NUDCD2: variants seen among roughly 807,000 people sequenced by gnomAD.
The protein encoded by NUDCD2 is nudC domain-containing protein 2.
In NUDCD2, 16 loss-of-function variants were observed where a neutral mutation model predicts 20.8. The observed-to-expected ratio is 0.77, with a 90% CI of 0.52 to 1.17. The LOEUF (loss-of-function observed/expected upper bound fraction) is 1.17. Among genes scored for constraint, NUDCD2 ranks in the 50% most tolerant of loss-of-function variants. The probability of loss-of-function intolerance (pLI) is 0.00; values close to 1 mark genes in which losing one functional copy is unlikely to be tolerated. For missense variants in NUDCD2, 199 were observed against 193.9 expected, an observed-to-expected ratio of 1.03 and a Z score of -0.16; for synonymous variants, 87 against 72.8, an observed-to-expected ratio of 1.20 and a Z score of -1.00.
Position 163,457,049 on chromosome 5 carries a change from T to C in NUDCD2, c.270A>G (p.Thr90=), listed in dbSNP as rs370580721. 4.3e-6 allele frequency: 7 copies of C among 1,612,528 alleles called. No homozygotes were observed. In the East Asian group the frequency reaches 1.3e-4, roughly 31 times the overall value. ...AATTTGCTGCATCTCTCTTTGTCTT[T>C]GTAAGAACAATACGAACCATTTTTC... is the stretch of plus-strand genomic sequence containing the variant. ...EDRKMVRIVL[T]KTKRDAANCW... Residue 90 remains threonine (T), a synonymous_variant, in exon 3 of 4, where the codon ACA becomes ACG. Coordinates refer to ENST00000302764, the MANE Select transcript of NUDCD2 (RefSeq NM_145266.6).
In NUDCD2 at chr5:163,449,947, A is replaced by C. The variant is rs1016392868; in HGVS notation, c.*4020T>G. ...ATCTAAATGTAGAACTAAATTTATAAAATTTTTAGAAGAAAAAAATCCATA... is the reference window on the plus strand; with the variant it reads ...ATCTAAATGTAGAACTAAATTTATACAATTTTTAGAAGAAAAAAATCCATA... On this transcript the variant is annotated 3_prime_UTR_variant, in exon 4 of 4. Transcript: ENST00000302764. The C allele has an allele frequency of 6.6e-6, 1 of 152,182 alleles. No individual in the cohort carries two copies. The highest frequency in any genetic ancestry group is 2.4e-5 in the African/African-American group (1 of 41,444). The allele number at this position is 152,182 out of a possible 1,614,324, so 9.4% of individuals were successfully genotyped here.
intron 1 of NUDCD2, among the ~76,000 whole-genome samples, chr5:163,458,090 C>T (rs1221413998): frequency 7.4e-6 from 1 of 134,500 alleles, no homozygotes; most frequent in Admixed American, 8.9e-5. Context: ...TCAAGCGATT[C>T]TCCTGCCTCA....
At position 163,457,280 on chromosome 5, in the gene NUDCD2, C is replaced by T. The variant is rs529953721; in HGVS notation, c.239-200G>A. ...CCGACTAGCTGGGAATACAGGCATG[C>T]GCCACCATGCCCGGCTAACTTTTGT... On this transcript the variant is annotated intron_variant, in intron 2 of 3. Coordinates refer to ENST00000302764, the MANE Select transcript of NUDCD2 (RefSeq NM_145266.6). Among the ~76,000 whole-genome samples, 11 of 152,106 alleles carry T rather than the reference C, an allele frequency of 7.2e-5. No homozygotes were observed. The South Asian group carries it at 1.9e-3, about 26-fold the overall frequency.
Position 163,450,101 on chromosome 5 carries a change from T to TA in NUDCD2, c.*3865dup, listed in dbSNP as rs1237686047. 4.3e-4 allele frequency: 64 copies of TA among 147,220 alleles called. No individual in the cohort carries two copies. Among genetic ancestry groups the TA allele is most frequent in the Admixed American group, 1.3e-3 (19 of 14,750 alleles). The allele number at this position is 147,220 out of a possible 1,614,324, so 9.1% of individuals were successfully genotyped here. A position where few individuals can be genotyped will look rare whatever the true frequency, so the allele number is the denominator to read the frequency against. On this transcript the variant is annotated 3_prime_UTR_variant, in exon 4 of 4. Transcript: ENST00000302764. Reference sequence around the variant, plus strand: ...TCCCAACTCTACTAAAAATAAAAAATAAAAAAAAAATGGGCTGGGAGTGGT... The same window carrying TA: ...TCCCAACTCTACTAAAAATAAAAAATAAAAAAAAAAATGGGCTGGGAGTGGT...
intron 3 of NUDCD2, among the ~76,000 whole-genome samples, chr5:163,455,740 A>G (rs1758290241): frequency 6.6e-6 from 1 of 151,806 alleles, no homozygotes; most frequent in African/African-American, 2.4e-5. Flanking sequence ...TCTCAGAAAA[A>G]AAAAAAAAAA....
chr5:163,457,281 G>A (rs1196552153), intron 2 of NUDCD2, among the ~76,000 whole-genome samples: 3 of 151,966 alleles, frequency 2.0e-5, no homozygotes, highest in Admixed American at 1.3e-4. Context: ...ACAGGCATGC[G>A]CCACCATGCC....
rs1758093779 is a variant in NUDCD2 at position 163,448,315 on chromosome 5, C to A, written c.*5652G>T. The A allele has an allele frequency of 6.6e-6, 1 of 151,420 alleles. No individual in the cohort carries two copies. The highest frequency in any genetic ancestry group is 1.5e-5 in the Non-Finnish European group (1 of 67,798). 9.4% of individuals were successfully genotyped at this position (151,420 alleles called of 1,614,324 possible). ...ATTGATAAACCTCTGGCAAAATTGA[C>A]AAAAAAAGAGAAGGAATTCCAATCT... On this transcript the variant is annotated 3_prime_UTR_variant, in exon 4 of 4. Coordinates refer to ENST00000302764, the MANE Select transcript of NUDCD2 (RefSeq NM_145266.6).
chr5:163,459,699 G>C, intron 1 of NUDCD2, 163 bp downstream of exon 1: 1 of 527,064 alleles, frequency 1.9e-6, no homozygotes, highest in Non-Finnish European at 3.3e-6. Context: ...CACCTGCCCT[G>C]AAGAGGCGGG....
In NUDCD2 at chr5:163,449,003, A is replaced by C. The variant is rs975778957; in HGVS notation, c.*4964T>G. The C allele has an allele frequency of 1.3e-5, 2 of 152,248 alleles. No homozygotes were observed. Among genetic ancestry groups the C allele is most frequent in the Non-Finnish European group, 2.9e-5 (2 of 68,044 alleles). 9.4% of individuals were successfully genotyped at this position (152,248 alleles called of 1,614,324 possible). On this transcript the variant is annotated 3_prime_UTR_variant, in exon 4 of 4. Coordinates refer to ENST00000302764, the MANE Select transcript of NUDCD2 (RefSeq NM_145266.6). ...CCTACAGCTTGCATACATAATGGTC[A>C]AAAACAATGCTTTCAAAATCCTAAG...
rs1668768209 is a variant in NUDCD2, at chr5:163,450,128, G to A, written c.*3839C>T. On this transcript the variant is annotated 3_prime_UTR_variant, in exon 4 of 4. Transcript: ENST00000302764. ...AAAAAAAAATGGGCTGGGAGTGGTG[G>A]TGCACACCTGTAGTCCCAGCTACTT... is the stretch of plus-strand genomic sequence containing the variant. 1 of 152,204 alleles carries A rather than the reference G, an allele frequency of 6.6e-6. No homozygotes were observed. The highest frequency in any genetic ancestry group is 2.4e-5 in the African/African-American group (1 of 41,408). The allele number at this position is 152,204 out of a possible 1,614,324, so 9.4% of individuals were successfully genotyped here. A position where few individuals can be genotyped will look rare whatever the true frequency, so the allele number is the denominator to read the frequency against.
At chr5:163,459,735 C>G (rs896954000) in intron 1 of NUDCD2, 127 bp downstream of exon 1, 5 of 761,094 alleles carry the variant, frequency 6.6e-6, no homozygotes, top group Admixed American at 3.0e-5. Context: ...CAAACCTGGT[C>G]AGTGTTATCC....
In NUDCD2 at chr5:163,447,321, T is replaced by G. The variant is rs897216577; in HGVS notation, c.*6646A>C. 1 of 151,916 alleles carries G rather than the reference T, an allele frequency of 6.6e-6. No homozygotes were observed. Among genetic ancestry groups the G allele is most frequent in the Admixed American group, 6.6e-5 (1 of 15,224 alleles). The allele number at this position is 151,916 out of a possible 1,614,324, so 9.4% of individuals were successfully genotyped here. On this transcript the variant is annotated 3_prime_UTR_variant, in exon 4 of 4. Coordinates refer to ENST00000302764, the MANE Select transcript of NUDCD2 (RefSeq NM_145266.6). ...CAAAAATTAGCTAGGCATAGTGATA[T>G]ACATCTGTAGTCCTAGGTACTGAGG...
rs1159915411 is a variant in NUDCD2, at chr5:163,452,212, ATAGATG to A, written c.*1749_*1754del. 1 of 152,234 alleles carries A rather than the reference ATAGATG, an allele frequency of 6.6e-6. No individual in the cohort carries two copies. Among genetic ancestry groups the A allele is most frequent in the Non-Finnish European group, 1.5e-5 (1 of 68,038 alleles). 9.4% of individuals were successfully genotyped at this position (152,234 alleles called of 1,614,324 possible). A position where few individuals can be genotyped will look rare whatever the true frequency, so the allele number is the denominator to read the frequency against. On this transcript the variant is annotated 3_prime_UTR_variant, in exon 4 of 4. Transcript: ENST00000302764. ...TTTCAATATACATAGATGCAGAAAT[ATAGATG>A]TAAAGACATGCATTATATATACACA...
Position 163,446,911 on chromosome 5 carries a change from A to T in NUDCD2, c.*7056T>A, listed in dbSNP as rs1758050986. 1 of 152,216 alleles carries T rather than the reference A, an allele frequency of 6.6e-6. No individual in the cohort carries two copies. The highest frequency in any genetic ancestry group is 2.4e-5 in the African/African-American group (1 of 41,448). 9.4% of individuals were successfully genotyped at this position (152,216 alleles called of 1,614,324 possible). A position where few individuals can be genotyped will look rare whatever the true frequency, so the allele number is the denominator to read the frequency against. The stretch of plus-strand genomic sequence containing the variant: ...ATGCCTGTAGTACCAGTTACTCCAG[A>T]GACTGAGGCAGGAGAATTGCTTGAA... On this transcript the variant is annotated 3_prime_UTR_variant, in exon 4 of 4. Transcript: ENST00000302764.
At chr5:163,457,979 CTTTTTTTT>C (rs540496894) in intron 1 of NUDCD2, among the ~76,000 whole-genome samples, 16 of 73,710 alleles carry the variant, frequency 2.2e-4, no homozygotes, top group South Asian at 1.2e-3. Flanking sequence ...AAAATGTTGT[CTTTTTTTT>C]TTTTTTTTTT....
intron 3 of NUDCD2, among the ~76,000 whole-genome samples, chr5:163,455,801 GAGA>G (rs368890237): frequency 3.3e-5 from 5 of 151,674 alleles, no homozygotes; most frequent in East Asian, 1.9e-4. Flanking sequence ...GAGTAAAAGT[GAGA>G]AGACCAATTA....
chr5:163,457,140 T>C (rs1364639067), intron 2 of NUDCD2, 60 bp from the exon 3 acceptor site: 1 of 619,398 alleles, frequency 1.6e-6, no homozygotes, highest in Non-Finnish European at 2.1e-6. Context: ...CATCAAGTTG[T>C]TTTTTTTTTT....
rs767606090 is a variant in NUDCD2 at position 163,456,968 on chromosome 5, T to C, written c.351A>G (p.Gln117=). 5.0e-6 allele frequency: 8 copies of C among 1,612,196 alleles called. No individual in the cohort carries two copies. Among genetic ancestry groups the C allele is most frequent in the Middle Eastern group, 3.3e-4 (2 of 6,056 alleles). ...EYAADPWVQD[Q]MQRKLTLERF... is the part of the protein sequence containing the mutation. ...TCTCTAATGTAAGCTTTCTCTGCAT[T>C]TGGTCTTGCACCCAAGGATCCGCTG... The change falls in exon 3 of 4, where the codon CAA becomes CAG. Residue 117 remains glutamine, a synonymous_variant. Coordinates refer to ENST00000302764, the MANE Select transcript of NUDCD2 (RefSeq NM_145266.6).
In NUDCD2 at chr5:163,457,585, G is replaced by T; in HGVS notation, c.215C>A (p.Ala72Asp). 1 of 1,581,290 alleles carries T rather than the reference G, an allele frequency of 6.3e-7. No homozygotes were observed. The highest frequency in any genetic ancestry group is 8.7e-7 in the Non-Finnish European group (1 of 1,150,674). ...LKGKLFDSTIADEGTWTLEDR... is the reference protein window; with the variant it reads ...LKGKLFDSTIDDEGTWTLEDR... ...ACCCAAAGTCCATGTTCCCTCATCA[G>T]CTATTGTAGAATCAAAGAGTTTGCC... is the stretch of plus-strand genomic sequence containing the variant. Residue 72 changes from alanine to aspartate, a missense_variant, in exon 2 of 4, where the codon GCT becomes GAT. Coordinates refer to ENST00000302764, the MANE Select transcript of NUDCD2 (RefSeq NM_145266.6).
Sources: allele counts gnomAD v4.1 joint callset (sites outside exome capture counted in the v4.1 genomes callset), GRCh38; gene constraint gnomAD v4.1.1; transcripts MANE v1.5; gene names NCBI Gene and HGNC (gene_info 2026-07-23, HGNC 2026-07-21).